ADCY7: variants seen among roughly 807,000 people sequenced by gnomAD.
ADCY7 encodes adenylate cyclase type 7.
Under a neutral mutation model 120.6 loss-of-function variants are expected in ADCY7, and 72 were observed. The ratio of observed to expected loss-of-function variants is 0.60; its 90% CI spans 0.49 to 0.73. The LOEUF is 0.73. Ranked by LOEUF, ADCY7 falls within the 30% of genes least tolerant of loss-of-function variation. The pLI, the probability that ADCY7 is intolerant of heterozygous loss-of-function variation, is 0.00. For missense variants in ADCY7, 1,227 were observed against 1,486.0 expected (o/e 0.83, Z 2.87); for synonymous variants, 661 against 628.0 (o/e 1.05, Z -0.78).
intron 17 of ADCY7, chr16:50,309,259 C>A (rs376780817): frequency 2.4e-6 from 1 of 423,710 alleles, no homozygotes; most frequent in East Asian, 4.1e-5. Flanking sequence ...CCTGTGACCA[C>A]CTCCCTCAGG....
exon 1 of ADCY7, chr16:50,246,156 C>G (rs1226081853): frequency 6.7e-6 from 1 of 149,440 alleles, no homozygotes; most frequent in East Asian, 1.9e-4. Context: ...CAGCCCGCTG[C>G]CACTGGGGCG....
chr16:50,315,304 C>T, intron 25 of ADCY7, 55 bp from the exon 26 acceptor site: 3 of 1,585,282 alleles, frequency 1.9e-6, no homozygotes, highest in Non-Finnish European at 2.6e-6. Context: ...TCTGTCCCTA[C>T]CATGACAGGT....
chr16:50,251,639 G>A lies in ADCY7; in HGVS notation c.-64+5436G>A, dbSNP rs112915455. On this transcript the variant is annotated intron_variant, in intron 1 of 4. Coordinates refer to the ADCY7 transcript ENST00000564044. ...CTAGTTTCTTTTGCCAACTTAGAAG[G>A]CCTGTACCCCTGGCCACGTTGCTGC... 4.8e-3 allele frequency among the ~76,000 whole-genome samples: 729 copies of A among 152,316 alleles called. 6 individuals are homozygous for A. The highest frequency in any genetic ancestry group is 0.017 in the African/African-American group (692 of 41,566).
chr16:50,315,470 G>A lies in ADCY7; in HGVS notation c.3208G>A (p.Asp1070Asn), dbSNP rs868811186. ...GCTGAGGACTTACTTTGTCTGTACG[G>A]ACACTGCCAAGTTTCAGGGGCTGGG... The part of the protein sequence containing the change: ...GELRTYFVCT[D>N]TAKFQGLGLN Residue 1070 changes from aspartate (D) to asparagine (N), a missense_variant, in exon 26 of 26, where the codon GAC becomes AAC. Physicochemically the swap from Asp to Asn is conservative, Grantham distance 23 (BLOSUM62 1). Transcript: ENST00000673801. 3 of 1,613,656 alleles carry A rather than the reference G, an allele frequency of 1.9e-6. No individual in the cohort carries two copies. The highest frequency in any genetic ancestry group is 1.1e-5 in the South Asian group (1 of 91,082).
intron 19 of ADCY7, 105 bp from the exon 20 acceptor site, chr16:50,311,588 T>C: frequency 2.7e-6 from 2 of 750,872 alleles, no homozygotes; most frequent in Non-Finnish European, 4.7e-6. Flanking sequence ...CCCATTAGAA[T>C]CAATTTTCCC....
rs1175752107 is a variant in ADCY7, at chr16:50,314,390, C to T, written c.2955C>T (p.Ser985=). The change falls in exon 24 of 26, where the codon TCC becomes TCT. Residue 985 remains serine (S), a synonymous_variant. Coordinates refer to ENST00000673801, the MANE Select transcript of ADCY7 (RefSeq NM_001114.5). ...GCATCAACAGGCACTCCTTCAACTC[C>T]TTCCGCCTCCGCGTCGGTGAGCCCG... ...LDGINRHSFN[S]FRLRVGINHG... is the part of the protein sequence containing the mutation. The T allele has an allele frequency of 1.9e-6, 3 of 1,613,892 alleles. No homozygotes were observed. The highest frequency in any genetic ancestry group is 1.7e-6 in the Non-Finnish European group (2 of 1,180,022).
chr16:50,244,873 G>T (rs1249401568), upstream of ADCY7, among the ~76,000 whole-genome samples: 2 of 152,222 alleles, frequency 1.3e-5, no homozygotes, highest in Admixed American at 1.3e-4. Context: ...ATGCCCGGGG[G>T]CTGCACGAGC....
At position 50,292,729 on chromosome 16, in the gene ADCY7, C is replaced by T. The variant is rs968613965; in HGVS notation, c.591C>T (p.His197=). Residue 197 remains histidine, a synonymous_variant, in exon 5 of 26, where the codon CAC becomes CAT. Coordinates refer to ENST00000673801, the MANE Select transcript of ADCY7 (RefSeq NM_001114.5). ...GTGGGAACCTGACAGGCGCCTTCCACAAGCACCAAATGCAGGATGCATCCC... is the reference window on the plus strand; with the variant it reads ...GTGGGAACCTGACAGGCGCCTTCCATAAGCACCAAATGCAGGATGCATCCC... ...FLCGNLTGAF[H]KHQMQDASRD... is the part of the protein sequence containing the mutation. The T allele has an allele frequency of 3.1e-6, 5 of 1,613,940 alleles. No individual in the cohort carries two copies. The African/African-American group carries it at 5.3e-5, about 17-fold the overall frequency.
intron 24 of ADCY7, chr16:50,314,799 C>G (rs1336151824): frequency 3.5e-6 from 2 of 578,198 alleles, no homozygotes; most frequent in Non-Finnish European, 6.1e-6. Context: ...ACATCAAACC[C>G]AGACTTCTGA....
At chr16:50,258,100 GC>G (rs1056589416) in intron 1 of ADCY7, among the ~76,000 whole-genome samples, 8 of 152,172 alleles carry the variant, frequency 5.3e-5, no homozygotes, top group African/African-American at 1.9e-4. Flanking sequence ...ATGGTGGCAT[GC>G]ACTTGTAATG....
chr16:50,300,597 C>T (rs1040634541), intron 8 of ADCY7, 118 bp from the exon 9 acceptor site: 36 of 1,234,748 alleles, frequency 2.9e-5, no homozygotes, highest in Middle Eastern at 2.4e-4. Context: ...CATTCTCTCC[C>T]GTGGGCTGAG....
In ADCY7 at chr16:50,308,339, G is replaced by C; in HGVS notation, c.1863G>C (p.Leu621=). Residue 621 remains leucine, a synonymous_variant, in exon 16 of 26, where the codon CTG becomes CTC. Coordinates refer to ENST00000673801, the MANE Select transcript of ADCY7 (RefSeq NM_001114.5). ...CCCTCCTCTCCAGGACGGCGGCACT[G>C]GGTGTGTCCTTCGGGCTGGTGGCCT... is the stretch of plus-strand genomic sequence containing the variant. ...HVLLMPRTAA[L]GVSFGLVACV... 6.2e-7 allele frequency: 1 copy of C among 1,614,210 alleles called. No homozygotes were observed. Among genetic ancestry groups the C allele is most frequent in the Non-Finnish European group, 8.5e-7 (1 of 1,180,040 alleles).
Position 50,316,286 on chromosome 16 carries a change from A to G in ADCY7, c.*781A>G, listed in dbSNP as rs1281890622. The G allele has an allele frequency of 6.6e-6, 1 of 152,402 alleles. No homozygotes were observed. Among genetic ancestry groups the G allele is most frequent in the African/African-American group, 2.4e-5 (1 of 41,458 alleles). The allele number at this position is 152,402 out of a possible 1,614,324, so 9.4% of individuals were successfully genotyped here. ...GGATAGAGTCCTGAGGAATGTGGTCACAGCAAGAAGGCGGGGAGCAGCAGA... is the reference window on the plus strand; with the variant it reads ...GGATAGAGTCCTGAGGAATGTGGTCGCAGCAAGAAGGCGGGGAGCAGCAGA... On this transcript the variant is annotated 3_prime_UTR_variant, in exon 26 of 26. Coordinates refer to ENST00000673801, the MANE Select transcript of ADCY7 (RefSeq NM_001114.5).
At position 50,291,884 on chromosome 16, in the gene ADCY7, G is replaced by C; in HGVS notation, c.524G>C (p.Arg175Pro). The change falls in exon 4 of 26, where the codon CGG (arginine) becomes CCG (proline). Residue 175 changes from arginine to proline, a missense_variant. By Grantham distance (103) the Arg-to-Pro change is moderately radical. Coordinates refer to ENST00000673801, the MANE Select transcript of ADCY7 (RefSeq NM_001114.5). Reference sequence around the variant, plus strand: ...GGAGGCTTCACGACACCCAGTGTCCGGGTGGGGCTGCAGGTGAGGGATGGG... The same window carrying C: ...GGAGGCTTCACGACACCCAGTGTCCCGGTGGGGCTGCAGGTGAGGGATGGG... ...LMGGFTTPSV[R>P]VGLQLLANAV... 2 of 1,611,358 alleles carry C rather than the reference G, an allele frequency of 1.2e-6. No individual in the cohort carries two copies. Among genetic ancestry groups the C allele is most frequent in the Non-Finnish European group, 1.7e-6 (2 of 1,178,392 alleles).
intron 12 of ADCY7, 64 bp downstream of exon 12, chr16:50,305,023 A>C (rs1268543854): frequency 6.3e-7 from 1 of 1,594,274 alleles, no homozygotes. Flanking sequence ...GGCTGCCCTG[A>C]GCAGCCTCTG....
At chr16:50,310,260 G>A (rs2036365562) in intron 18 of ADCY7, among the ~76,000 whole-genome samples, 1 of 152,192 alleles carries the variant, frequency 6.6e-6, no homozygotes, top group Admixed American at 6.5e-5. Flanking sequence ...GGGCAGGCTT[G>A]ATCCAGACTG....
intron 19 of ADCY7, 40 bp from the exon 20 acceptor site, chr16:50,311,653 G>T: frequency 7.0e-7 from 1 of 1,434,416 alleles, no homozygotes; most frequent in Non-Finnish European, 9.8e-7. Flanking sequence ...GGTTGGAGTG[G>T]TGAGTGCTGG....
chr16:50,292,642 C>A (rs1244243736), intron 4 of ADCY7, 34 bp from the exon 5 acceptor site: 2 of 1,609,414 alleles, frequency 1.2e-6, no homozygotes, highest in Admixed American at 1.7e-5. Context: ...ATGGGCCAGG[C>A]CACATAATGA....
intron 10 of ADCY7, among the ~76,000 whole-genome samples, chr16:50,303,980 G>A (rs1459403768): frequency 6.6e-6 from 1 of 152,088 alleles, no homozygotes; most frequent in East Asian, 1.9e-4. Context: ...GGACTCTCTG[G>A]TTCCAAGGAG....
Sources: gnomAD v4.1 joint callset for allele counts (sites outside exome capture counted in the v4.1 genomes callset) on GRCh38, gnomAD v4.1.1 for gene constraint, MANE v1.5 for transcripts, NCBI Gene and HGNC (gene_info 2026-07-23, HGNC 2026-07-21) for gene names.